MAN2B2: variants seen among roughly 807,000 people sequenced by gnomAD.
The protein encoded by MAN2B2 is epididymis-specific alpha-mannosidase.
A neutral mutation model predicts 117.1 loss-of-function variants in MAN2B2; 106 were observed. The observed-to-expected ratio is 0.90, with a 90% confidence interval of 0.77 to 1.06. The LOEUF is 1.06. Ranked by LOEUF, MAN2B2 falls within the 50% of genes least tolerant of loss-of-function variation. The probability of loss-of-function intolerance (pLI) is 0.00; values close to 1 mark genes in which losing one functional copy is unlikely to be tolerated. For missense variants in MAN2B2, 1,326 were observed against 1,381.4 expected, an observed-to-expected ratio of 0.96 and a Z score of 0.64; for synonymous variants, 544 against 595.1, an observed-to-expected ratio of 0.91 and a Z score of 1.25.
At chr4:6,605,792 C>T (rs1413066147) in intron 11 of MAN2B2, among the ~76,000 whole-genome samples, 5 of 151,944 alleles carry the variant, frequency 3.3e-5, no homozygotes, top group African/African-American at 1.2e-4. Context: ...ACTCATCCAT[C>T]CACTCACCCA....
At chr4:6,578,959 T>TACCATC (rs1443242820) in intron 3 of MAN2B2, among the ~76,000 whole-genome samples, 80 of 142,344 alleles carry the variant, frequency 5.6e-4, no homozygotes, top group Non-Finnish European at 1.0e-3. Context: ...CCATGACTAC[T>TACCATC]ACCATCACCA....
At position 6,577,423 on chromosome 4, in the gene MAN2B2, G is replaced by C. The variant is rs115762287; in HGVS notation, c.285+699G>C. 1.6e-3 allele frequency among the ~76,000 whole-genome samples: 245 copies of C among 152,308 alleles called. 2 individuals carry two copies. Among genetic ancestry groups the C allele is most frequent in the African/African-American group, 5.8e-3 (239 of 41,556 alleles). ...AATAGTTGCTGAACATAAAGTTCAGGGACGCCAAGTGACTTGCTCAAGGGA... is the reference window on the plus strand; with the variant it reads ...AATAGTTGCTGAACATAAAGTTCAGCGACGCCAAGTGACTTGCTCAAGGGA... On this transcript the variant is annotated intron_variant, in intron 2 of 18. Transcript: ENST00000285599.
Position 6,621,315 on chromosome 4 carries a change from T to C in MAN2B2, c.*30T>C. 1.3e-6 allele frequency: 2 copies of C among 1,575,676 alleles called. No homozygotes were observed. Among genetic ancestry groups the C allele is most frequent in the Non-Finnish European group, 1.7e-6 (2 of 1,146,490 alleles). ...TGGGCAGATGCCCCGGCCCCAGGGC[T>C]TCCCCCAGGAACTCCATGTAACAGA... On this transcript the variant is annotated 3_prime_UTR_variant, in exon 19 of 19. Transcript: ENST00000285599.
intron 3 of MAN2B2, among the ~76,000 whole-genome samples, chr4:6,582,853 G>C (rs188278133): frequency 2.0e-5 from 3 of 151,062 alleles, no homozygotes; most frequent in African/African-American, 7.3e-5. Context: ...CTGCATCCTG[G>C]CCTCTGCCCT....
At chr4:6,590,595 A>G (rs1035549093) in intron 5 of MAN2B2, among the ~76,000 whole-genome samples, 1 of 151,444 alleles carries the variant, frequency 6.6e-6, no homozygotes, top group African/African-American at 2.4e-5. Flanking sequence ...TCTCTCTAAC[A>G]CCCTCCAAGC....
In MAN2B2 at chr4:6,578,248, A is replaced by G. The variant is rs555239633; in HGVS notation, c.286-145A>G. 8 of 636,340 alleles carry G rather than the reference A, an allele frequency of 1.3e-5. No homozygotes were observed. The East Asian group carries it at 1.9e-4, about 15-fold the overall frequency. The allele number at this position is 636,340 out of a possible 1,614,324, so 39.4% of individuals were successfully genotyped here. A position where few individuals can be genotyped will look rare whatever the true frequency, so the allele number is the denominator to read the frequency against. ...TGGTGGGAACACAGTGTGGACCAGGACAGACAGTGCCCTGCTTTTATAGAG... is the reference window on the plus strand; with the variant it reads ...TGGTGGGAACACAGTGTGGACCAGGGCAGACAGTGCCCTGCTTTTATAGAG... On this transcript the variant is annotated intron_variant, in intron 2 of 18. Coordinates refer to ENST00000285599, the MANE Select transcript of MAN2B2 (RefSeq NM_015274.3).
At chr4:6,614,148 A>G (rs2108757936) in intron 15 of MAN2B2, 70 bp from the exon 16 acceptor site, 1 of 1,569,786 alleles carries the variant, frequency 6.4e-7, no homozygotes, top group East Asian at 2.3e-5. Flanking sequence ...TGTAATGTGC[A>G]GAGCTCTGAG....
In MAN2B2 at chr4:6,600,772, C is replaced by A. The variant is rs557026985; in HGVS notation, c.1539+16C>A. On this transcript the variant is annotated intron_variant, in intron 10 of 18. Transcript: ENST00000285599. ...GCCCTCGCAGGTATGGACACAAAAT[C>A]CTGCTGGAGGGGCCTTAGCTGCTTG... 6.2e-7 allele frequency: 1 copy of A among 1,612,686 alleles called. No homozygotes were observed. The highest frequency in any genetic ancestry group is 8.5e-7 in the Non-Finnish European group (1 of 1,179,942).
intron 9 of MAN2B2, 135 bp downstream of exon 9, chr4:6,598,489 G>C: frequency 1.1e-6 from 1 of 950,780 alleles, no homozygotes; most frequent in Non-Finnish European, 1.5e-6. Context: ...CATGGTGAGA[G>C]CTCGGACAGG....
chr4:6,620,595 C>T, intron 18 of MAN2B2: 1 of 166,520 alleles, frequency 6.0e-6, no homozygotes, highest in Non-Finnish European at 1.3e-5. Context: ...TTCTTCTGTC[C>T]TGTGCAGCTC....
chr4:6,605,000 T>C, intron 10 of MAN2B2, 55 bp from the exon 11 acceptor site: 1 of 1,572,560 alleles, frequency 6.4e-7, no homozygotes, highest in Admixed American at 1.8e-5. Context: ...GAGCACCCCA[T>C]TCCAGAAAGT....
chr4:6,599,459 G>A (rs1049340993), intron 9 of MAN2B2, among the ~76,000 whole-genome samples: 2 of 151,868 alleles, frequency 1.3e-5, no homozygotes, highest in African/African-American at 4.8e-5. Context: ...TCAGGAGATC[G>A]AGACCATCCT....
Position 6,576,505 on chromosome 4 carries a change from G to A in MAN2B2, c.139-73G>A. On this transcript the variant is annotated intron_variant, in intron 1 of 18. Coordinates refer to ENST00000285599, the MANE Select transcript of MAN2B2 (RefSeq NM_015274.3). ...CCCCCAACCCCATGCAGACACACCT[G>A]GCGAATGGCAGGGGCCCCAGGGACA... is the stretch of plus-strand genomic sequence containing the variant. The A allele has an allele frequency of 3.8e-6, 6 of 1,568,182 alleles. No individual in the cohort carries two copies. In the South Asian group the frequency reaches 5.6e-5, roughly 15 times the overall value.
At chr4:6,579,873 C>T (rs1330806847) in intron 3 of MAN2B2, among the ~76,000 whole-genome samples, 2 of 152,218 alleles carry the variant, frequency 1.3e-5, no homozygotes, top group Admixed American at 6.5e-5. Flanking sequence ...ATCCTAATGG[C>T]GGGCTGATGG....
chr4:6,582,197 C>G lies in MAN2B2; in HGVS notation c.391+3699C>G, dbSNP rs186254643. 2.0e-5 allele frequency among the ~76,000 whole-genome samples: 3 copies of G among 152,278 alleles called. No homozygotes were observed. In the East Asian group the frequency reaches 5.8e-4, roughly 29 times the overall value. ...ACCACTGCTGTCCTGGCCATTCAAA[C>G]CCAAGCTCTCAGCCCTGTCCCCCAA... On this transcript the variant is annotated intron_variant, in intron 3 of 18. Coordinates refer to ENST00000285599, the MANE Select transcript of MAN2B2 (RefSeq NM_015274.3).
chr4:6,605,700 C>G (rs1727517388), intron 11 of MAN2B2, among the ~76,000 whole-genome samples: 1 of 151,994 alleles, frequency 6.6e-6, no homozygotes, highest in Non-Finnish European at 1.5e-5. Flanking sequence ...TCCCACCCAC[C>G]CACCTGTCTA....
intron 5 of MAN2B2, among the ~76,000 whole-genome samples, chr4:6,592,151 A>G (rs1726885095): frequency 6.6e-6 from 1 of 152,228 alleles, no homozygotes; most frequent in Non-Finnish European, 1.5e-5. Flanking sequence ...CTCTTGGAAG[A>G]GGAAAGACAA....
rs145820598 is a variant in MAN2B2, at chr4:6,608,763, G to A, written c.1815-344G>A. Among the ~76,000 whole-genome samples the A allele has an allele frequency of 9.8e-5, 15 of 152,320 alleles. 1 individual carries two copies. The highest frequency in any genetic ancestry group is 5.9e-5 in the Non-Finnish European group (4 of 68,028). On this transcript the variant is annotated intron_variant, in intron 11 of 18. Coordinates refer to ENST00000285599, the MANE Select transcript of MAN2B2 (RefSeq NM_015274.3). ...CATGGGTGTCCTGCTGGACAGCTCA[G>A]AGTCAGCATGACAAAAGCCCGTTCC...
chr4:6,617,627 C>T, intron 17 of MAN2B2, 135 bp downstream of exon 17: 1 of 1,510,518 alleles, frequency 6.6e-7, no homozygotes, highest in Non-Finnish European at 8.9e-7. Context: ...CCACCCCGCC[C>T]TTCTTCATGG....
Sources: gnomAD v4.1 joint callset for allele counts (sites outside exome capture counted in the v4.1 genomes callset) on GRCh38, gnomAD v4.1.1 for gene constraint, MANE v1.5 for transcripts, NCBI Gene and HGNC (gene_info 2026-07-23, HGNC 2026-07-21) for gene names.